The following PTPRR variants were observed in gnomAD, a reference collection of about 807,000 sequenced individuals.
PTPRR encodes the protein protein tyrosine phosphatase receptor type R.
In PTPRR, 38 loss-of-function variants were observed where a neutral mutation model predicts 77.2. That is an observed-to-expected ratio of 0.49 (90% CI 0.38 to 0.65). The LOEUF (loss-of-function observed/expected upper bound fraction) is 0.65, where lower values mean the gene tolerates loss of function less well. Among genes scored for constraint, PTPRR ranks in the 30% least tolerant of loss-of-function variants. PTPRR has a pLI of 0.00. For synonymous variants in PTPRR, 299 were observed against 283.1 expected (o/e 1.06, Z -0.57); for missense variants, 744 against 799.2 (o/e 0.93, Z 0.83).
intron 12 of PTPRR, among the ~76,000 whole-genome samples, chr12:70,658,970 T>A (rs1886693866): frequency 1.4e-5 from 2 of 146,934 alleles, no homozygotes; most frequent in African/African-American, 5.1e-5. Context: ...TGGCGGGATC[T>A]TGACTCACTG....
At chr12:70,914,868 T>G (rs562807785) in intron 1 of PTPRR, among the ~76,000 whole-genome samples, 1 of 152,166 alleles carries the variant, frequency 6.6e-6, no homozygotes, top group Admixed American at 6.5e-5. Flanking sequence ...ACAAAAAGAT[T>G]ACTATGGAAT....
At chr12:70,799,742 A>T (rs1891578958) in intron 2 of PTPRR, among the ~76,000 whole-genome samples, 1 of 152,168 alleles carries the variant, frequency 6.6e-6, no homozygotes, top group Non-Finnish European at 1.5e-5. Flanking sequence ...AGAAGAGATG[A>T]GTTTTTATAA....
chr12:70,661,152 T>A, intron 11 of PTPRR, 55 bp from the exon 12 acceptor site: 7 of 1,562,764 alleles, frequency 4.5e-6, no homozygotes, highest in African/African-American at 1.4e-5. Flanking sequence ...CTAAAAGTCA[T>A]CCAAACCACA....
chr12:70,754,124 C>G, intron 5 of PTPRR, 67 bp downstream of exon 5: 1 of 1,426,348 alleles, frequency 7.0e-7, no homozygotes, highest in Non-Finnish European at 9.7e-7. Flanking sequence ...ATTTGAATGG[C>G]AATGTACCCA....
chr12:70,766,073 G>A (rs1355505160), intron 2 of PTPRR, among the ~76,000 whole-genome samples: 4 of 152,144 alleles, frequency 2.6e-5, no homozygotes, highest in Admixed American at 1.3e-4. Flanking sequence ...AAAAAACAGA[G>A]CAGAAAAACT....
chr12:70,745,771 T>A lies in PTPRR; in HGVS notation c.1007+47A>T, dbSNP rs184651023. The A allele has an allele frequency of 6.2e-5, 97 of 1,565,728 alleles. No homozygotes were observed. In the African/African-American group the frequency reaches 1.2e-3, roughly 20 times the overall value. On this transcript the variant is annotated intron_variant, in intron 6 of 13. Coordinates refer to ENST00000283228, the MANE Select transcript of PTPRR (RefSeq NM_002849.4). ...TCTTTCTTTTTTAGTTGATGAATAC[T>A]CTTTTTATAAAAAGCCACACGTAGG...
chr12:70,760,487 G>T (rs1415169793), intron 4 of PTPRR, among the ~76,000 whole-genome samples: 1 of 152,112 alleles, frequency 6.6e-6, no homozygotes, highest in Non-Finnish European at 1.5e-5. Context: ...AATAGACCAG[G>T]GATCAGGACA....
chr12:70,742,067 G>T (rs886721446), intron 6 of PTPRR, among the ~76,000 whole-genome samples: 1 of 152,154 alleles, frequency 6.6e-6, no homozygotes, highest in Non-Finnish European at 1.5e-5. Context: ...GGAACAACAT[G>T]GTGGTAACTG....
intron 2 of PTPRR, among the ~76,000 whole-genome samples, chr12:70,857,148 T>A (rs1298356558): frequency 3.9e-5 from 6 of 152,078 alleles, no homozygotes; most frequent in African/African-American, 1.4e-4. Context: ...ATATTTGATA[T>A]CCTGGATGAA....
chr12:70,918,138 C>T (rs963388619), intron 1 of PTPRR, among the ~76,000 whole-genome samples: 4 of 152,134 alleles, frequency 2.6e-5, no homozygotes, highest in African/African-American at 9.7e-5. Context: ...GACCAAGGAG[C>T]TGTGTTTGTT....
intron 2 of PTPRR, among the ~76,000 whole-genome samples, chr12:70,856,789 A>G (rs1367590834): frequency 6.6e-6 from 1 of 150,962 alleles, no homozygotes; most frequent in Non-Finnish European, 1.5e-5. Flanking sequence ...GCAAGGATAG[A>G]GAGGGAGGCA....
chr12:70,678,639 T>C (rs1389421182), intron 10 of PTPRR, among the ~76,000 whole-genome samples: 1 of 152,158 alleles, frequency 6.6e-6, no homozygotes, highest in East Asian at 1.9e-4. Context: ...TCTTATTTAC[T>C]TCCTTCTACT....
intron 6 of PTPRR, among the ~76,000 whole-genome samples, chr12:70,726,477 T>G (rs1889440676): frequency 6.6e-6 from 1 of 152,192 alleles, no homozygotes; most frequent in African/African-American, 2.4e-5. Flanking sequence ...GTTTTGACTC[T>G]TATGAGTTAT....
At chr12:70,718,701 A>C (rs1889128697) in intron 6 of PTPRR, among the ~76,000 whole-genome samples, 1 of 152,228 alleles carries the variant, frequency 6.6e-6, no homozygotes, top group African/African-American at 2.4e-5. Context: ...ATTCATGCTA[A>C]AAATAGTTTT....
intron 6 of PTPRR, among the ~76,000 whole-genome samples, chr12:70,741,876 G>A (rs1044381049): frequency 1.3e-5 from 2 of 152,190 alleles, no homozygotes; most frequent in African/African-American, 2.4e-5. Context: ...TGGCTGGAAA[G>A]TGTTTCTGGG....
intron 2 of PTPRR, among the ~76,000 whole-genome samples, chr12:70,779,653 GT>G (rs919330046): frequency 3.8e-4 from 58 of 152,100 alleles, no homozygotes; most frequent in Admixed American, 1.0e-3. Context: ...GTTCTCTGCT[GT>G]CTCCTCAAGA....
At chr12:70,892,560 G>A in intron 2 of PTPRR, 119 bp downstream of exon 2, 1 of 1,175,296 alleles carries the variant, frequency 8.5e-7, no homozygotes, top group Non-Finnish European at 1.2e-6. Flanking sequence ...TAAGTGCTGT[G>A]GTACATACCC....
chr12:70,827,537 T>C (rs1892132926), intron 2 of PTPRR, among the ~76,000 whole-genome samples: 1 of 139,794 alleles, frequency 7.2e-6, no homozygotes, highest in Non-Finnish European at 1.5e-5. Flanking sequence ...TTTTTCTTTC[T>C]TTCTTTCTTT....
rs61539990 is a variant in PTPRR at position 70,821,213 on chromosome 12, CTTTTTTTTTTTTT to C, written c.358-56448_358-56436del. ...CAAAACATGTTGAAAGGGATCACTG[CTTTTTTTTTTTTT>C]TTTTTTTTTTTTTTTTAGGACAGAG... On this transcript the variant is annotated intron_variant, in intron 2 of 13. Coordinates refer to ENST00000283228, the MANE Select transcript of PTPRR (RefSeq NM_002849.4). 3.8e-4 allele frequency among the ~76,000 whole-genome samples: 12 copies of C among 31,990 alleles called. No individual in the cohort carries two copies. In the East Asian group the frequency reaches 0.021, roughly 55 times the overall value. The allele number at this position is 31,990 out of a possible 152,430, so 21.0% of individuals were successfully genotyped here. A position where few individuals can be genotyped will look rare whatever the true frequency, so the allele number is the denominator to read the frequency against.
Sources: allele counts gnomAD v4.1 joint callset (sites outside exome capture counted in the v4.1 genomes callset), GRCh38; gene constraint gnomAD v4.1.1; transcripts MANE v1.5; gene names NCBI Gene and HGNC (gene_info 2026-07-23, HGNC 2026-07-21).